The following SMAP1 variants were observed in gnomAD, a reference collection of about 807,000 sequenced individuals.
SMAP1 encodes the protein stromal membrane-associated protein 1.
SMAP1 carries 24 observed loss-of-function variants against 58.5 expected under a neutral mutation model. The observed-to-expected ratio is 0.41, with a 90% CI of 0.30 to 0.58. SMAP1 has a LOEUF of 0.58. SMAP1 is among the 20% of genes least tolerant of loss of function. SMAP1 has a pLI of 0.29. For missense variants in SMAP1, 563 were observed against 566.3 expected, an observed-to-expected ratio of 0.99 and a Z score of 0.06; for synonymous variants, 216 against 196.6, an observed-to-expected ratio of 1.10 and a Z score of -0.82.
rs1766153392 is a variant in SMAP1 at position 70,668,966 on chromosome 6, T to G, written c.118+825T>G. ...AAGGTTCATTTTAAAGATCTAGAGATGGAAAAAACCTAATTTTAGTTTTTT... is the reference window on the plus strand; with the variant it reads ...AAGGTTCATTTTAAAGATCTAGAGAGGGAAAAAACCTAATTTTAGTTTTTT... On this transcript the variant is annotated intron_variant, in intron 1 of 10. Coordinates refer to ENST00000370455, the MANE Select transcript of SMAP1 (RefSeq NM_001044305.3). Among the ~76,000 whole-genome samples the G allele has an allele frequency of 2.0e-5, 3 of 152,170 alleles. No homozygotes were observed. In the South Asian group the frequency reaches 6.2e-4, roughly 32 times the overall value.
At chr6:70,678,546 T>C (rs917737747) in intron 1 of SMAP1, among the ~76,000 whole-genome samples, 2 of 152,196 alleles carry the variant, frequency 1.3e-5, no homozygotes, top group Admixed American at 6.5e-5. Flanking sequence ...GTATATTAAT[T>C]TCCTGTTGCT....
intron 2 of SMAP1, among the ~76,000 whole-genome samples, chr6:70,740,929 T>G (rs914627378): frequency 6.6e-6 from 1 of 152,156 alleles, no homozygotes; most frequent in Non-Finnish European, 1.5e-5. Context: ...GAAAGGGGTT[T>G]CCCCTTATAA....
rs1266677813 is a variant in SMAP1, at chr6:70,860,995, T to C, written c.*661T>C. On this transcript the variant is annotated 3_prime_UTR_variant, in exon 11 of 11. Coordinates refer to ENST00000370455, the MANE Select transcript of SMAP1 (RefSeq NM_001044305.3). ...CTTCTTAATGTACATAGTGCTAACA[T>C]GAAGACCTTTTTCTGCACTATATGC... is the stretch of plus-strand genomic sequence containing the variant. 3.2e-6 allele frequency: 1 copy of C among 308,814 alleles called. No homozygotes were observed. Among genetic ancestry groups the C allele is most frequent in the East Asian group, 4.9e-5 (1 of 20,322 alleles). 19.1% of individuals were successfully genotyped at this position (308,814 alleles called of 1,614,324 possible).
chr6:70,773,850 A>G (rs1582158348), intron 4 of SMAP1, among the ~76,000 whole-genome samples: 1 of 152,194 alleles, frequency 6.6e-6, no homozygotes, highest in Non-Finnish European at 1.5e-5. Flanking sequence ...TGGCATTTAC[A>G]TTTGTTATTA....
At chr6:70,710,129 A>G (rs1463087485) in intron 1 of SMAP1, among the ~76,000 whole-genome samples, 2 of 152,160 alleles carry the variant, frequency 1.3e-5, no homozygotes, top group African/African-American at 2.4e-5. Flanking sequence ...ACTGTAGGCA[A>G]TTGTAGCACA....
chr6:70,806,327 G>T (rs1422109939), intron 6 of SMAP1, among the ~76,000 whole-genome samples: 1 of 152,248 alleles, frequency 6.6e-6, no homozygotes, highest in Middle Eastern at 3.2e-3. Context: ...GCACGGGAGA[G>T]AATCTCCTGG....
intron 1 of SMAP1, among the ~76,000 whole-genome samples, chr6:70,728,612 A>G (rs1225445562): frequency 6.6e-6 from 1 of 152,196 alleles, no homozygotes; most frequent in Non-Finnish European, 1.5e-5. Context: ...TTTACCATCT[A>G]CTTTAGGAGA....
chr6:70,671,302 G>T (rs905086154), intron 1 of SMAP1, among the ~76,000 whole-genome samples: 1 of 152,040 alleles, frequency 6.6e-6, no homozygotes, highest in African/African-American at 2.4e-5. Context: ...GCTGGGCTTG[G>T]CAGGTACCAC....
chr6:70,794,421 AT>A (rs1472209990), intron 5 of SMAP1, among the ~76,000 whole-genome samples: 1 of 152,138 alleles, frequency 6.6e-6, no homozygotes, highest in Non-Finnish European at 1.5e-5. Context: ...GGTGACAGCT[AT>A]ATTTTTATTA....
intron 1 of SMAP1, among the ~76,000 whole-genome samples, chr6:70,703,821 A>G (rs529680003): frequency 4.6e-5 from 7 of 152,216 alleles, no homozygotes; most frequent in South Asian, 2.1e-4. Context: ...GAACTCCTAG[A>G]TCCATTTCCT....
intron 2 of SMAP1, among the ~76,000 whole-genome samples, chr6:70,749,897 G>C (rs200788509): frequency 6.6e-6 from 1 of 152,180 alleles, no homozygotes; most frequent in Non-Finnish European, 1.5e-5. Context: ...AGGACAAGTA[G>C]AAGCCATACC....
At chr6:70,695,822 A>G (rs1313483984) in intron 1 of SMAP1, among the ~76,000 whole-genome samples, 3 of 151,974 alleles carry the variant, frequency 2.0e-5, no homozygotes, top group Non-Finnish European at 4.4e-5. Context: ...CTCCTCCTCT[A>G]TTTGTCCGAA....
intron 2 of SMAP1, among the ~76,000 whole-genome samples, chr6:70,749,667 A>C (rs986225785): frequency 6.6e-6 from 1 of 152,010 alleles, no homozygotes; most frequent in African/African-American, 2.4e-5. Flanking sequence ...TGTGAAAACT[A>C]TGCAGATAGC....
At chr6:70,726,388 A>G (rs1269635909) in intron 1 of SMAP1, among the ~76,000 whole-genome samples, 1 of 152,196 alleles carries the variant, frequency 6.6e-6, no homozygotes, top group South Asian at 2.1e-4. Context: ...CCTGTTCTCA[A>G]AGAGATCACT....
At chr6:70,676,695 A>G (rs1194543825) in intron 1 of SMAP1, among the ~76,000 whole-genome samples, 1 of 152,204 alleles carries the variant, frequency 6.6e-6, no homozygotes, top group South Asian at 2.1e-4. Context: ...CCCTCCTTGC[A>G]TTTAATAGCA....
chr6:70,793,209 A>G (rs924170392), intron 5 of SMAP1, among the ~76,000 whole-genome samples: 1 of 151,696 alleles, frequency 6.6e-6, no homozygotes, highest in Non-Finnish European at 1.5e-5. Flanking sequence ...TAATTTTTGT[A>G]TTTTTAGTAG....
intron 1 of SMAP1, among the ~76,000 whole-genome samples, chr6:70,728,450 C>T (rs572652995): frequency 2.9e-4 from 44 of 152,230 alleles, no homozygotes; most frequent in Admixed American, 7.2e-4. Flanking sequence ...GATTTATTTC[C>T]ATTTTTAAAA....
intron 2 of SMAP1, among the ~76,000 whole-genome samples, chr6:70,735,160 A>G (rs567949249): frequency 6.6e-6 from 1 of 152,342 alleles, no homozygotes; most frequent in Admixed American, 6.5e-5. Context: ...TTATAATTAC[A>G]GAGAGAACAG....
intron 3 of SMAP1, among the ~76,000 whole-genome samples, chr6:70,766,063 A>G (rs918095995): frequency 1.4e-4 from 21 of 152,002 alleles, no homozygotes; most frequent in African/African-American, 4.6e-4. Flanking sequence ...TTTCCCTACA[A>G]AGGACATGAA....
Sources: gnomAD v4.1 joint callset for allele counts (sites outside exome capture counted in the v4.1 genomes callset) on GRCh38, gnomAD v4.1.1 for gene constraint, MANE v1.5 for transcripts, NCBI Gene and HGNC (gene_info 2026-07-23, HGNC 2026-07-21) for gene names.